The following ANKRD16 variants were observed in gnomAD, a reference collection of about 807,000 sequenced individuals.
The protein encoded by ANKRD16 is ankyrin repeat domain-containing protein 16.
Under a neutral mutation model 37.9 loss-of-function variants are expected in ANKRD16, and 35 were observed. That is an observed-to-expected ratio of 0.92 (90% CI 0.71 to 1.23). The LOEUF (loss-of-function observed/expected upper bound fraction) is 1.23, where lower values mean the gene tolerates loss of function less well. Ranked by LOEUF, ANKRD16 falls within the 50% of genes most tolerant of loss-of-function variation. The probability of loss-of-function intolerance (pLI) is 0.00; values close to 1 mark genes in which losing one functional copy is unlikely to be tolerated. For missense variants in ANKRD16, 480 were observed against 469.9 expected (o/e 1.02, Z -0.20); for synonymous variants, 206 against 197.2 (o/e 1.04, Z -0.37).
At chr10:5,885,797 C>T in intron 2 of ANKRD16, 32 bp from the exon 3 acceptor site, 8 of 1,589,984 alleles carry the variant, frequency 5.0e-6, no homozygotes, top group Non-Finnish European at 6.8e-6. Context: ...AGAATTAGAG[C>T]TTTTTAGTGC....
chr10:5,884,364 A>G (rs1357185456), intron 3 of ANKRD16, among the ~76,000 whole-genome samples: 1 of 152,164 alleles, frequency 6.6e-6, no homozygotes, highest in East Asian at 1.9e-4. Context: ...ACCCCTTGCC[A>G]CTGCCTTTCC....
In ANKRD16 at chr10:5,871,516, T is replaced by C. The variant is rs1842089826; in HGVS notation, c.*33+6581A>G. Among the ~76,000 whole-genome samples the C allele has an allele frequency of 6.6e-6, 1 of 152,238 alleles. No homozygotes were observed. Among genetic ancestry groups the C allele is most frequent in the Non-Finnish European group, 1.5e-5 (1 of 68,036 alleles). On this transcript the variant is annotated intron_variant, in intron 7 of 7. Coordinates refer to ENST00000380094, the MANE Select transcript of ANKRD16 (RefSeq NM_019046.3). This position sits in a 1 kb window ranked among gnomAD's most constrained non-coding sequence, Gnocchi z 4.5. ...TGTAAGTCCACATTATTATCCATTC[T>C]TGTAGGAAACGTAATAAATGTGCTC... is the stretch of plus-strand genomic sequence containing the variant.
At chr10:5,873,052 CAG>C (rs1842128282) in intron 7 of ANKRD16, among the ~76,000 whole-genome samples, 1 of 120,856 alleles carries the variant, frequency 8.3e-6, no homozygotes, top group Non-Finnish European at 1.7e-5. Flanking sequence ...TTTTCTGAGA[CAG>C]AGTCTTGCTC....
chr10:5,878,424 C>T lies in ANKRD16; in HGVS notation c.929-137G>A. On this transcript the variant is annotated intron_variant, in intron 6 of 7. Coordinates refer to ENST00000380094, the MANE Select transcript of ANKRD16 (RefSeq NM_019046.3). This position sits in a 1 kb window ranked among gnomAD's most constrained non-coding sequence, Gnocchi z 5.1. ...ATCCATCTTCACAACTTCACCTATA[C>T]TAGATCAAAATATTTTTGTTTCTAA... is the stretch of plus-strand genomic sequence containing the variant. 4 of 743,122 alleles carry T rather than the reference C, an allele frequency of 5.4e-6. No individual in the cohort carries two copies. Among genetic ancestry groups the T allele is most frequent in the South Asian group, 5.0e-5 (2 of 39,688 alleles). The allele number at this position is 743,122 out of a possible 1,614,324, so 46.0% of individuals were successfully genotyped here.
chr10:5,885,357 A>T (rs574598340), intron 3 of ANKRD16, among the ~76,000 whole-genome samples: 106 of 151,624 alleles, frequency 7.0e-4, no homozygotes, highest in Non-Finnish European at 1.2e-3. Context: ...ATTTTTTTTG[A>T]ATTTTTAGTA....
At chr10:5,882,102 C>T (rs1402635221) in intron 5 of ANKRD16, among the ~76,000 whole-genome samples, 1 of 152,128 alleles carries the variant, frequency 6.6e-6, no homozygotes, top group Non-Finnish European at 1.5e-5. Flanking sequence ...TTTGTCTAGC[C>T]AGTTAGTCTG....
At chr10:5,884,161 G>T in intron 3 of ANKRD16, 84 bp from the exon 4 acceptor site, 1 of 1,005,992 alleles carries the variant, frequency 9.9e-7, no homozygotes, top group South Asian at 1.4e-5. Flanking sequence ...ACCTGCAGGT[G>T]AACTGCGTGT....
chr10:5,883,903 T>C, intron 4 of ANKRD16, 66 bp downstream of exon 4: 1 of 1,418,332 alleles, frequency 7.1e-7, no homozygotes, highest in Admixed American at 1.9e-5. Context: ...CAATGTGCTC[T>C]GCTTAACCTG....
At chr10:5,883,639 G>A (rs191070124) in intron 4 of ANKRD16, among the ~76,000 whole-genome samples, 8 of 152,320 alleles carry the variant, frequency 5.3e-5, no homozygotes, top group Admixed American at 2.0e-4. Flanking sequence ...ATGATTCAAT[G>A]TTCCAGGCTA....
intron 7 of ANKRD16, among the ~76,000 whole-genome samples, chr10:5,877,410 G>A (rs1013018604): frequency 3.3e-5 from 5 of 152,226 alleles, no homozygotes; most frequent in Non-Finnish European, 7.3e-5. Context: ...ACCATGCCCG[G>A]TCCTTAGTTA....
At chr10:5,881,648 A>T in intron 5 of ANKRD16, among the ~76,000 whole-genome samples, 1 of 144,300 alleles carries the variant, frequency 6.9e-6, no homozygotes, top group Admixed American at 7.0e-5. Context: ...TGTATTTTTT[A>T]GTAGAGACAG....
intron 1 of ANKRD16, 136 bp from the exon 2 acceptor site, chr10:5,888,203 C>G: frequency 1.3e-6 from 1 of 755,946 alleles, no homozygotes; most frequent in East Asian, 2.6e-5. Flanking sequence ...GGCAGGAAAA[C>G]AGCTTTGACC....
At chr10:5,883,337 G>A (rs576765913) in intron 4 of ANKRD16, among the ~76,000 whole-genome samples, 170 bp from the exon 5 acceptor site, 3 of 152,130 alleles carry the variant, frequency 2.0e-5, no homozygotes, top group East Asian at 3.9e-4. Flanking sequence ...TTTTTGAGAC[G>A]AAGTCTCACT....
rs1842075751 is a variant in ANKRD16, at chr10:5,870,737, C to G, written c.*33+7360G>C. On this transcript the variant is annotated intron_variant, in intron 7 of 7. Coordinates refer to ENST00000380094, the MANE Select transcript of ANKRD16 (RefSeq NM_019046.3). This position sits in a 1 kb window ranked among gnomAD's most constrained non-coding sequence, Gnocchi z 5.0. ...TTACCCCCAGGGTGTCACTCCCCTT[C>G]AGGATGCTTTGGGCCTTCCAGAGTA... 6.6e-6 allele frequency among the ~76,000 whole-genome samples: 1 copy of G among 152,164 alleles called. No individual in the cohort carries two copies. The highest frequency in any genetic ancestry group is 1.5e-5 in the Non-Finnish European group (1 of 68,036).
rs759139542 is a variant in ANKRD16 at position 5,868,776 on chromosome 10, C to T, written c.*34-6085G>A. ...CTGTAACATTCACTGCGAGGGTCTG[C>T]GGCTTCATTCCTTAAGTCAGCAAGA... On this transcript the variant is annotated intron_variant, in intron 7 of 7. Coordinates refer to ENST00000380094, the MANE Select transcript of ANKRD16 (RefSeq NM_019046.3). This position sits in a 1 kb window ranked among gnomAD's most constrained non-coding sequence, Gnocchi z 4.9. Among the ~76,000 whole-genome samples, 3 of 152,172 alleles carry T rather than the reference C, an allele frequency of 2.0e-5. No individual in the cohort carries two copies. Among genetic ancestry groups the T allele is most frequent in the South Asian group, 4.1e-4 (2 of 4,834 alleles).
chr10:5,877,968 A>C, intron 7 of ANKRD16, 129 bp downstream of exon 7: 1 of 994,078 alleles, frequency 1.0e-6, no homozygotes, highest in Non-Finnish European at 1.5e-6. Flanking sequence ...CCCCCTGATC[A>C]CTGGGAACTC....
At chr10:5,872,750 A>G (rs147327944) in intron 7 of ANKRD16, among the ~76,000 whole-genome samples, 5,444 of 151,388 alleles carry the variant, frequency 0.036, 108 homozygotes, top group African/African-American at 0.059. Context: ...TAGAGACGGG[A>G]TTTCACCGTG....
chr10:5,883,902 C>T (rs1842364418), intron 4 of ANKRD16, 67 bp downstream of exon 4: 4 of 1,405,558 alleles, frequency 2.8e-6, no homozygotes, highest in Non-Finnish European at 4.0e-6. Flanking sequence ...ACAATGTGCT[C>T]TGCTTAACCT....
At position 5,865,945 on chromosome 10, in the gene ANKRD16, C is replaced by T. The variant is rs997809511; in HGVS notation, c.*34-3254G>A. Among the ~76,000 whole-genome samples, 8 of 152,302 alleles carry T rather than the reference C, an allele frequency of 5.3e-5. No individual in the cohort carries two copies. The highest frequency in any genetic ancestry group is 2.6e-4 in the Admixed American group (4 of 15,298). ...TACTCAGACTCATGGGACAACCCCA[C>T]AACCAGTGGCATACCTAAGTAAGGA... On this transcript the variant is annotated intron_variant, in intron 7 of 7. Transcript: ENST00000380094. This position sits in a 1 kb window ranked among gnomAD's most constrained non-coding sequence, Gnocchi z 4.7.
Sources: gnomAD v4.1 joint callset for allele counts (sites outside exome capture counted in the v4.1 genomes callset) on GRCh38, gnomAD v4.1.1 for gene constraint, Gnocchi (gnomAD v3.1) non-coding constraint, MANE v1.5 for transcripts, NCBI Gene and HGNC (gene_info 2026-07-23, HGNC 2026-07-21) for gene names.